The following NKAIN2 variants were observed in gnomAD, a reference collection of about 807,000 sequenced individuals.
NKAIN2 encodes sodium/potassium-transporting ATPase subunit beta-1-interacting protein 2.
In NKAIN2, 14 loss-of-function variants were observed where a neutral mutation model predicts 32.6. The ratio of observed to expected loss-of-function variants is 0.43; its 90% CI spans 0.28 to 0.67. The LOEUF (loss-of-function observed/expected upper bound fraction) is 0.67, where lower values mean the gene tolerates loss of function less well. NKAIN2 is among the 30% of genes least tolerant of loss of function. The pLI is 0.17. For missense variants in NKAIN2, 198 were observed against 258.3 expected (o/e 0.77, Z 1.60); for synonymous variants, 80 against 87.2 (o/e 0.92, Z 0.46).
intron 2 of NKAIN2, among the ~76,000 whole-genome samples, chr6:124,338,254 T>G (rs79802684): frequency 0.013 from 1,959 of 152,224 alleles, 44 homozygotes; most frequent in African/African-American, 0.044. Flanking sequence ...GTGTTAAAAT[T>G]TGTCAAAAAG....
intron 1 of NKAIN2, among the ~76,000 whole-genome samples, chr6:124,268,528 G>A (rs1004892273): frequency 2.0e-5 from 3 of 151,842 alleles, no homozygotes; most frequent in Admixed American, 2.0e-4. Flanking sequence ...ACTATGTGAA[G>A]TAGAAAAAAA....
At chr6:124,774,268 A>C (rs1778890295) in intron 4 of NKAIN2, among the ~76,000 whole-genome samples, 1 of 151,830 alleles carries the variant, frequency 6.6e-6, no homozygotes, top group Non-Finnish European at 1.5e-5. Context: ...AAAAACGGTC[A>C]GATTCTGAGT....
At chr6:124,769,008 T>A (rs987960587) in intron 4 of NKAIN2, among the ~76,000 whole-genome samples, 5 of 152,216 alleles carry the variant, frequency 3.3e-5, no homozygotes, top group Admixed American at 3.3e-4. Flanking sequence ...TCATGCAGAA[T>A]GAACAATCTA....
chr6:124,458,669 G>A (rs933523718), intron 3 of NKAIN2, among the ~76,000 whole-genome samples: 2 of 151,818 alleles, frequency 1.3e-5, no homozygotes, highest in African/African-American at 4.8e-5. Flanking sequence ...GGTAACATGA[G>A]CAGAATTATA....
At chr6:124,295,070 A>G (rs1211366102) in intron 2 of NKAIN2, among the ~76,000 whole-genome samples, 2 of 152,150 alleles carry the variant, frequency 1.3e-5, no homozygotes, top group African/African-American at 4.8e-5. Flanking sequence ...TGAAGCGACT[A>G]CCATATTATA....
At chr6:124,057,336 A>G in intron 1 of NKAIN2, among the ~76,000 whole-genome samples, 1 of 152,022 alleles carries the variant, frequency 6.6e-6, no homozygotes, top group East Asian at 1.9e-4. Flanking sequence ...TGCCACCCTA[A>G]CATTTTCAGA....
At chr6:124,058,504 C>T (rs1782773326) in intron 1 of NKAIN2, among the ~76,000 whole-genome samples, 2 of 152,000 alleles carry the variant, frequency 1.3e-5, no homozygotes, top group African/African-American at 4.8e-5. Context: ...TCTGTTTCTT[C>T]ATTGCAAAAC....
chr6:124,750,405 A>C (rs886651008), intron 4 of NKAIN2, among the ~76,000 whole-genome samples: 2 of 151,878 alleles, frequency 1.3e-5, no homozygotes, highest in African/African-American at 4.8e-5. Flanking sequence ...ATACCTTATA[A>C]ACTTCTTGAG....
At chr6:123,849,560 G>A (rs963563611) in intron 1 of NKAIN2, among the ~76,000 whole-genome samples, 4 of 152,108 alleles carry the variant, frequency 2.6e-5, no homozygotes, top group African/African-American at 9.7e-5. Flanking sequence ...CTGGGAGGTG[G>A]CATGAACTCC....
At chr6:124,582,427 G>C (rs542597857) in intron 3 of NKAIN2, among the ~76,000 whole-genome samples, 5 of 152,182 alleles carry the variant, frequency 3.3e-5, no homozygotes, top group African/African-American at 7.2e-5. Context: ...AATCCAAAAC[G>C]TGCAGACCAC....
intron 4 of NKAIN2, among the ~76,000 whole-genome samples, chr6:124,773,955 G>C (rs1778873807): frequency 6.6e-6 from 1 of 152,100 alleles, no homozygotes. Context: ...GAGTGAGTAG[G>C]AGAACAAGAG....
intron 1 of NKAIN2, among the ~76,000 whole-genome samples, chr6:123,871,080 C>T (rs9388285): frequency 0.024 from 3,617 of 152,150 alleles, 84 homozygotes; most frequent in East Asian, 0.1. Context: ...ACAACAAGAA[C>T]TGGGGATTTG....
intron 1 of NKAIN2, among the ~76,000 whole-genome samples, chr6:124,067,339 A>G (rs1213299257): frequency 6.6e-6 from 1 of 152,152 alleles, no homozygotes; most frequent in Non-Finnish European, 1.5e-5. Context: ...CAGTTCTCCT[A>G]CGTCTGTCTA....
chr6:124,693,798 C>G (rs1030890134), intron 4 of NKAIN2, among the ~76,000 whole-genome samples: 1 of 152,156 alleles, frequency 6.6e-6, no homozygotes, highest in Non-Finnish European at 1.5e-5. Context: ...GATGCATTAG[C>G]ACACTGTTCT....
intron 3 of NKAIN2, among the ~76,000 whole-genome samples, chr6:124,646,782 C>T (rs2114379111): frequency 6.6e-6 from 1 of 152,148 alleles, no homozygotes; most frequent in South Asian, 2.1e-4. Flanking sequence ...GAAACCTCAT[C>T]TCTACTAAAA....
intron 4 of NKAIN2, among the ~76,000 whole-genome samples, chr6:124,714,955 G>A (rs560350747): frequency 1.3e-5 from 2 of 152,294 alleles, no homozygotes; most frequent in Admixed American, 6.5e-5. Context: ...TCATGTCAGA[G>A]GAGCCTTGCC....
chr6:124,236,437 G>T (rs1792764775), intron 1 of NKAIN2, among the ~76,000 whole-genome samples: 1 of 152,102 alleles, frequency 6.6e-6, no homozygotes, highest in Admixed American at 6.6e-5. Context: ...AAAGGGCAGA[G>T]GATGGTCCAA....
At chr6:123,885,126 C>G (rs1773651990) in intron 1 of NKAIN2, among the ~76,000 whole-genome samples, 1 of 152,080 alleles carries the variant, frequency 6.6e-6, no homozygotes, top group African/African-American at 2.4e-5. Flanking sequence ...TATATTTAAT[C>G]ATTTAGCAAT....
rs1209445665 is a variant in NKAIN2, at chr6:124,012,398, C to T, written c.54+208144C>T. On this transcript the variant is annotated intron_variant, in intron 1 of 6. Coordinates refer to ENST00000368417, the MANE Select transcript of NKAIN2 (RefSeq NM_001040214.3). ...TCACCCAGGCTGGAGTTCAATGGTG[C>T]GATCTCGGCTCACTGCAAGCTCCGC... Among the ~76,000 whole-genome samples, 11 of 142,786 alleles carry T rather than the reference C, an allele frequency of 7.7e-5. 1 individual carries two copies. Among genetic ancestry groups the T allele is most frequent in the East Asian group, 2.1e-4 (1 of 4,820 alleles). 93.7% of individuals were successfully genotyped at this position (142,786 alleles called of 152,430 possible).
Sources: gnomAD v4.1 joint callset for allele counts (sites outside exome capture counted in the v4.1 genomes callset) on GRCh38, gnomAD v4.1.1 for gene constraint, MANE v1.5 for transcripts, NCBI Gene and HGNC (gene_info 2026-07-23, HGNC 2026-07-21) for gene names.